Variants in PCBP3 observed in about 807,000 individuals in gnomAD.
PCBP3 encodes the protein poly(rC)-binding protein 3.
PCBP3 carries 25 observed loss-of-function variants against 52.7 expected under a neutral mutation model. The observed-to-expected ratio is 0.47, with a 90% CI of 0.35 to 0.66. PCBP3 has a LOEUF of 0.66. PCBP3 is among the 30% of genes least tolerant of loss of function. The pLI is 0.01. For synonymous variants in PCBP3, 162 were observed against 183.0 expected, an observed-to-expected ratio of 0.89 and a Z score of 0.93; for missense variants, 391 against 490.3, an observed-to-expected ratio of 0.80 and a Z score of 1.91.
intron 4 of PCBP3, among the ~76,000 whole-genome samples, chr21:45,841,787 C>T (rs947212777): frequency 2.0e-5 from 3 of 152,184 alleles, no homozygotes; most frequent in Non-Finnish European, 4.4e-5. Flanking sequence ...GCATTCCTAG[C>T]CTCAGCAACC....
intron 4 of PCBP3, among the ~76,000 whole-genome samples, chr21:45,781,857 C>T (rs2090658543): frequency 6.6e-6 from 1 of 152,166 alleles, no homozygotes; most frequent in Non-Finnish European, 1.5e-5. Context: ...TGTCAGTTAC[C>T]TGGCAACCAC....
At chr21:45,731,529 T>A (rs2085455505) in intron 2 of PCBP3, among the ~76,000 whole-genome samples, 1 of 152,194 alleles carries the variant, frequency 6.6e-6, no homozygotes, top group Non-Finnish European at 1.5e-5. Context: ...CCTCTCTGGA[T>A]CTAACTGGCT....
intron 4 of PCBP3, among the ~76,000 whole-genome samples, chr21:45,820,167 G>T (rs2093088163): frequency 6.6e-6 from 1 of 152,256 alleles, no homozygotes; most frequent in Admixed American, 6.5e-5. Context: ...TCTCGGCTAT[G>T]TGTGGGATGA....
intron 4 of PCBP3, among the ~76,000 whole-genome samples, chr21:45,808,932 C>T (rs1039887129): frequency 3.9e-5 from 6 of 152,222 alleles, no homozygotes; most frequent in South Asian, 2.1e-4. Context: ...AGCAAACTAA[C>T]GCAAGAACAG....
In PCBP3 at chr21:45,784,874, G is replaced by A. The variant is rs576535030; in HGVS notation, c.-126+29422G>A. On this transcript the variant is annotated intron_variant, in intron 4 of 17. Transcript: ENST00000681687. ...AGTGCCGAGATTGCAGCCTCTGCCC[G>A]GCCGCCACCCCGTCTGGGAAGTGAT... Among the ~76,000 whole-genome samples, 9 of 152,224 alleles carry A rather than the reference G, an allele frequency of 5.9e-5. No individual in the cohort carries two copies. In the East Asian group the frequency reaches 9.7e-4, roughly 16 times the overall value.
At position 45,926,083 on chromosome 21, in the gene PCBP3, C is replaced by G. The variant is rs538688957; in HGVS notation, c.718-3834C>G. Reference sequence around the variant, plus strand: ...AAAAATTGGAATCGTATCGACCACACTCTCTTAGCACAAAGCAATTGCAGT... The same window carrying G: ...AAAAATTGGAATCGTATCGACCACAGTCTCTTAGCACAAAGCAATTGCAGT... On this transcript the variant is annotated intron_variant, in intron 13 of 17. Coordinates refer to ENST00000681687, the MANE Select transcript of PCBP3 (RefSeq NM_001384156.1). 7.2e-5 allele frequency among the ~76,000 whole-genome samples: 11 copies of G among 152,370 alleles called. No homozygotes were observed. The South Asian group carries it at 2.3e-3, about 32-fold the overall frequency.
intron 5 of PCBP3, among the ~76,000 whole-genome samples, chr21:45,881,771 A>G (rs2095411519): frequency 6.6e-6 from 1 of 151,624 alleles, no homozygotes; most frequent in African/African-American, 2.4e-5. Flanking sequence ...CTTCTGTGAG[A>G]TGCACTTTTT....
chr21:45,785,560 G>A, intron 4 of PCBP3, among the ~76,000 whole-genome samples: 1 of 150,826 alleles, frequency 6.6e-6, no homozygotes, highest in African/African-American at 2.4e-5. Flanking sequence ...GAGGTGAGGG[G>A]CGCCTCTGCC....
chr21:45,928,318 A>G lies in PCBP3; in HGVS notation c.718-1599A>G, dbSNP rs2075748401. Among the ~76,000 whole-genome samples, 1 of 152,302 alleles carries G rather than the reference A, an allele frequency of 6.6e-6. No individual in the cohort carries two copies. The highest frequency in any genetic ancestry group is 2.1e-4 in the South Asian group (1 of 4,832). On this transcript the variant is annotated intron_variant, in intron 13 of 17. Transcript: ENST00000681687. The surrounding 1 kb of genome is among the most constrained non-coding windows in gnomAD (Gnocchi z 4.1). ...CACGTTACATCATGGGGCAGCGCAG[A>G]TGCCACAATGCCCTGCCCCCCAGCC...
Position 45,913,580 on chromosome 21 carries a change from G to A in PCBP3, c.601-371G>A, listed in dbSNP as rs1301929378. 7.2e-5 allele frequency among the ~76,000 whole-genome samples: 11 copies of A among 152,182 alleles called. No homozygotes were observed. The East Asian group carries it at 2.1e-3, about 29-fold the overall frequency. ...TTGGCGGCCAGCCCTTGTCCAGCAG[G>A]GTCTTGTGGGCAAGGGACCCACCCC... On this transcript the variant is annotated intron_variant, in intron 11 of 17. Coordinates refer to ENST00000681687, the MANE Select transcript of PCBP3 (RefSeq NM_001384156.1).
chr21:45,907,119 C>T (rs2096230831), intron 9 of PCBP3, among the ~76,000 whole-genome samples: 2 of 152,218 alleles, frequency 1.3e-5, no homozygotes, highest in East Asian at 3.9e-4. Flanking sequence ...CTTTCTATGT[C>T]TCAGTTGTTC....
At chr21:45,897,113 A>G (rs1165460999) in intron 6 of PCBP3, among the ~76,000 whole-genome samples, 1 of 152,224 alleles carries the variant, frequency 6.6e-6, no homozygotes, top group Admixed American at 6.5e-5. Context: ...ATTTTAAGCA[A>G]TCTCAAACTT....
At chr21:45,702,399 G>A (rs1316154686) in intron 2 of PCBP3, among the ~76,000 whole-genome samples, 2 of 152,048 alleles carry the variant, frequency 1.3e-5, no homozygotes, top group Non-Finnish European at 2.9e-5. Context: ...GAAACATCAG[G>A]TATAGGCAAA....
intron 2 of PCBP3, among the ~76,000 whole-genome samples, chr21:45,677,422 T>G (rs2081537493): frequency 1.3e-5 from 2 of 152,186 alleles, no homozygotes; most frequent in East Asian, 3.8e-4. Flanking sequence ...TAGAGGTTGG[T>G]TCATGGGATT....
intron 5 of PCBP3, among the ~76,000 whole-genome samples, chr21:45,862,153 A>G (rs2094534114): frequency 8.1e-6 from 1 of 123,880 alleles, no homozygotes; most frequent in South Asian, 3.1e-4. Context: ...ATACCATCAC[A>G]CTGGGTCTTA....
intron 4 of PCBP3, chr21:45,760,713 T>C (rs1416756615): frequency 6.6e-6 from 1 of 152,058 alleles, no homozygotes; most frequent in Non-Finnish European, 1.5e-5. Context: ...ATGAGAAAAG[T>C]AGAAAACACA....
At chr21:45,766,307 A>G (rs1000884557) in intron 4 of PCBP3, among the ~76,000 whole-genome samples, 16 of 152,218 alleles carry the variant, frequency 1.1e-4, no homozygotes, top group African/African-American at 3.6e-4. Flanking sequence ...TTGAAGCCCA[A>G]ACCCCTAGTA....
At chr21:45,825,307 C>T (rs535089098) in intron 4 of PCBP3, among the ~76,000 whole-genome samples, 167 of 152,346 alleles carry the variant, frequency 1.1e-3, no homozygotes, top group Middle Eastern at 3.4e-3. Context: ...TCGGCCACTG[C>T]TGCCTGTCTG....
At chr21:45,843,881 A>T (rs910644884) in intron 4 of PCBP3, among the ~76,000 whole-genome samples, 3 of 152,168 alleles carry the variant, frequency 2.0e-5, no homozygotes, top group African/African-American at 7.2e-5. Flanking sequence ...ACACATACGC[A>T]CTATCATGTT....
Sources: gnomAD v4.1 joint callset for allele counts (sites outside exome capture counted in the v4.1 genomes callset) on GRCh38, gnomAD v4.1.1 for gene constraint, Gnocchi (gnomAD v3.1) non-coding constraint, MANE v1.5 for transcripts, NCBI Gene and HGNC (gene_info 2026-07-23, HGNC 2026-07-21) for gene names.